The following TRPM3 variants were observed in gnomAD, a reference collection of about 807,000 sequenced individuals.
TRPM3 encodes the protein transient receptor potential cation channel subfamily M member 3.
TRPM3 carries 77 observed loss-of-function variants against 181.2 expected under a neutral mutation model. The observed-to-expected ratio is 0.42, with a 90% confidence interval of 0.35 to 0.51. TRPM3 has a LOEUF of 0.51. Among genes scored for constraint, TRPM3 ranks in the 20% least tolerant of loss-of-function variants. TRPM3 has a pLI of 0.01. For synonymous variants in TRPM3, 745 were observed against 796.4 expected, an observed-to-expected ratio of 0.94 and a Z score of 1.09; for missense variants, 1,759 against 2,196.7, an observed-to-expected ratio of 0.80 and a Z score of 3.98.
At chr9:70,593,478 G>A (rs2058477006) in intron 21 of TRPM3, among the ~76,000 whole-genome samples, 1 of 152,166 alleles carries the variant, frequency 6.6e-6, no homozygotes, top group South Asian at 2.1e-4. Flanking sequence ...GTGCTCATGA[G>A]ATTTAGAAGC....
intron 1 of TRPM3, among the ~76,000 whole-genome samples, chr9:70,871,254 C>G (rs1208822603): frequency 6.6e-6 from 1 of 151,928 alleles, no homozygotes; most frequent in Non-Finnish European, 1.5e-5. Flanking sequence ...AGATAATATT[C>G]TCAATGTAAG....
intron 1 of TRPM3, among the ~76,000 whole-genome samples, chr9:71,421,011 G>GAGAGAAAAAGAGAAAA: frequency 8.5e-6 from 1 of 118,316 alleles, no homozygotes; most frequent in Admixed American, 8.2e-5. Flanking sequence ...GAGAGAAAAA[G>GAGAGAAAAAGAGAAAA]AGAGAAAAAG....
intron 8 of TRPM3, among the ~76,000 whole-genome samples, chr9:70,757,307 A>T (rs1226688034): frequency 6.6e-6 from 1 of 152,210 alleles, no homozygotes; most frequent in East Asian, 1.9e-4. Flanking sequence ...CCCTGAATAG[A>T]CCAAAAACAA....
intron 1 of TRPM3, among the ~76,000 whole-genome samples, chr9:70,967,522 C>T (rs2097197959): frequency 6.6e-6 from 1 of 151,986 alleles, no homozygotes; most frequent in South Asian, 2.1e-4. Context: ...CAGATAGTTG[C>T]ATAAAATAAT....
At chr9:71,148,170 T>A (rs138070293) in intron 1 of TRPM3, among the ~76,000 whole-genome samples, 1 of 152,262 alleles carries the variant, frequency 6.6e-6, no homozygotes, top group African/African-American at 2.4e-5. Context: ...CAAAACTATG[T>A]ACCTTAGTTT....
chr9:71,209,658 C>T (rs2131790278), intron 1 of TRPM3, among the ~76,000 whole-genome samples: 1 of 152,252 alleles, frequency 6.6e-6, no homozygotes, highest in African/African-American at 2.4e-5. Flanking sequence ...AAACTACTGC[C>T]CACAGGCCAA....
At chr9:71,348,548 T>TTATA (rs1288522338) in intron 1 of TRPM3, among the ~76,000 whole-genome samples, 22 of 146,602 alleles carry the variant, frequency 1.5e-4, no homozygotes, top group South Asian at 2.1e-4. Flanking sequence ...GTTTATTTAT[T>TTATA]TATATATTTA....
chr9:70,668,672 G>GAAAA (rs57929544), intron 9 of TRPM3, among the ~76,000 whole-genome samples: 26 of 86,512 alleles, frequency 3.0e-4, no homozygotes, highest in Non-Finnish European at 4.2e-4. Flanking sequence ...CTCAAAAAAA[G>GAAAA]AAAAAAAAAA....
chr9:71,270,074 T>C (rs962108784), intron 1 of TRPM3, among the ~76,000 whole-genome samples: 1 of 152,198 alleles, frequency 6.6e-6, no homozygotes, highest in Non-Finnish European at 1.5e-5. Context: ...TATGTAGTCA[T>C]GCAGTTAATG....
chr9:70,738,783 T>A (rs575636765), intron 8 of TRPM3, among the ~76,000 whole-genome samples: 1 of 152,168 alleles, frequency 6.6e-6, no homozygotes, highest in South Asian at 2.1e-4. Flanking sequence ...CAATTAGAAA[T>A]GAAACTGGAG....
chr9:70,868,872 G>C (rs913803120), intron 1 of TRPM3: 5 of 436,414 alleles, frequency 1.1e-5, no homozygotes, highest in Non-Finnish European at 1.5e-5. Flanking sequence ...TCATAAGTTC[G>C]TTTTGCCCTT....
intron 1 of TRPM3, among the ~76,000 whole-genome samples, chr9:71,313,622 T>C (rs2088231522): frequency 6.6e-6 from 1 of 152,148 alleles, no homozygotes; most frequent in African/African-American, 2.4e-5. Context: ...CTAATTACTT[T>C]TTCCTTTTAC....
At chr9:71,032,083 ATATATAATT>A in intron 1 of TRPM3, among the ~76,000 whole-genome samples, 1 of 3,488 alleles carries the variant, frequency 2.9e-4, no homozygotes, top group African/African-American at 3.4e-3. Flanking sequence ...TATATTATAT[ATATATAATT>A]ATATAATATT....
intron 1 of TRPM3, among the ~76,000 whole-genome samples, chr9:71,330,888 C>T (rs1259713099): frequency 3.3e-5 from 5 of 151,762 alleles, no homozygotes; most frequent in Admixed American, 2.0e-4. Context: ...TCAGGAGGGG[C>T]AGCAGCTGAT....
chr9:71,377,035 T>C (rs897282353), intron 1 of TRPM3, among the ~76,000 whole-genome samples: 1 of 152,144 alleles, frequency 6.6e-6, no homozygotes, highest in African/African-American at 2.4e-5. Context: ...AAAGTGTTAT[T>C]ATACTAGTTT....
At chr9:71,359,656 C>G (rs977672077) in intron 1 of TRPM3, among the ~76,000 whole-genome samples, 7 of 151,908 alleles carry the variant, frequency 4.6e-5, no homozygotes, top group African/African-American at 1.7e-4. Context: ...TAGTAACTTT[C>G]TTGGGTGCAT....
chr9:71,203,860 T>C (rs957587353), intron 1 of TRPM3, among the ~76,000 whole-genome samples: 2 of 151,564 alleles, frequency 1.3e-5, no homozygotes, highest in African/African-American at 4.9e-5. Context: ...TCATCATCAT[T>C]ATCATCTTTC....
chr9:71,032,020 T>G (rs1263788709), intron 1 of TRPM3, among the ~76,000 whole-genome samples: 43 of 178 alleles, frequency 0.24, 10 homozygotes, highest in Middle Eastern at 1. Flanking sequence ...ATATAATATA[T>G]ATATATAATA....
chr9:71,089,235 A>C (rs897288734), intron 1 of TRPM3, among the ~76,000 whole-genome samples: 1 of 149,512 alleles, frequency 6.7e-6, no homozygotes, highest in Non-Finnish European at 1.5e-5. Context: ...ATTTGCTTAT[A>C]GTGTTATATA....
Sources: gnomAD v4.1 joint callset for allele counts (sites outside exome capture counted in the v4.1 genomes callset) on GRCh38, gnomAD v4.1.1 for gene constraint, MANE v1.5 for transcripts, NCBI Gene and HGNC (gene_info 2026-07-23, HGNC 2026-07-21) for gene names.